Variants in KDM4C observed in about 807,000 individuals in gnomAD.
The protein encoded by KDM4C is lysine-specific demethylase 4C.
Under a neutral mutation model 129.3 loss-of-function variants are expected in KDM4C, and 81 were observed. The observed-to-expected ratio is 0.63, with a 90% CI of 0.52 to 0.75. The LOEUF (loss-of-function observed/expected upper bound fraction) is 0.75. Ranked by LOEUF, KDM4C falls within the 30% of genes least tolerant of loss-of-function variation. The pLI, the probability that KDM4C is intolerant of heterozygous loss-of-function variation, is 0.00. For missense variants in KDM4C, 1,457 were observed against 1,304.0 expected (o/e 1.12, Z -1.81); for synonymous variants, 573 against 456.1 (o/e 1.26, Z -3.26).
chr9:7,070,848 A>T (rs1349095178), intron 17 of KDM4C, among the ~76,000 whole-genome samples: 1 of 152,188 alleles, frequency 6.6e-6, no homozygotes, highest in Non-Finnish European at 1.5e-5. Flanking sequence ...CTGAGTGCAG[A>T]TCCTAGCTGG....
chr9:7,086,655 C>T (rs946177009), intron 17 of KDM4C, among the ~76,000 whole-genome samples: 1 of 152,176 alleles, frequency 6.6e-6, no homozygotes, highest in Non-Finnish European at 1.5e-5. Flanking sequence ...CTTTGATTTT[C>T]TCCTCAGATA....
chr9:7,048,195 T>G (rs1452264856), intron 16 of KDM4C, among the ~76,000 whole-genome samples: 1 of 152,064 alleles, frequency 6.6e-6, no homozygotes, highest in South Asian at 2.1e-4. Flanking sequence ...AGACGTTCTC[T>G]TCCTATGCTT....
intron 4 of KDM4C, among the ~76,000 whole-genome samples, chr9:6,820,714 CTTT>C (rs35264767): frequency 0.47 from 58,909 of 125,730 alleles, 13,113 homozygotes; most frequent in East Asian, 0.59. Flanking sequence ...CTCTCTCTCT[CTTT>C]TTTTTTTTTT....
intron 15 of KDM4C, among the ~76,000 whole-genome samples, chr9:7,024,630 A>G (rs1174999060): frequency 6.6e-6 from 1 of 152,136 alleles, no homozygotes; most frequent in Non-Finnish European, 1.5e-5. Flanking sequence ...GATGGTTTCC[A>G]GCTTCATCCA....
intron 16 of KDM4C, among the ~76,000 whole-genome samples, chr9:7,047,224 G>A (rs1211255251): frequency 1.3e-5 from 2 of 152,028 alleles, no homozygotes; most frequent in Admixed American, 6.6e-5. Flanking sequence ...TAGAATCCTG[G>A]TGTTTAATAT....
intron 8 of KDM4C, among the ~76,000 whole-genome samples, chr9:6,976,986 T>C (rs964503329): frequency 2.0e-5 from 3 of 152,136 alleles, no homozygotes; most frequent in East Asian, 3.9e-4. Context: ...TTTGGGCTTA[T>C]TTGTTTTGAG....
chr9:6,801,641 GTCTCTCTC>G (rs752049998), intron 2 of KDM4C, among the ~76,000 whole-genome samples: 7 of 133,160 alleles, frequency 5.3e-5, no homozygotes, highest in Non-Finnish European at 9.8e-5. Context: ...CTCTCTCTCT[GTCTCTCTC>G]TCTCTCTCTC....
intron 1 of KDM4C, among the ~76,000 whole-genome samples, chr9:6,737,854 G>A (rs1255911934): frequency 2.6e-5 from 4 of 151,476 alleles, no homozygotes; most frequent in Admixed American, 6.6e-5. Context: ...GACAGATGCT[G>A]GGCTGGGCAA....
intron 18 of KDM4C, among the ~76,000 whole-genome samples, chr9:7,114,748 A>G (rs559020285): frequency 6.6e-6 from 1 of 152,262 alleles, no homozygotes; most frequent in African/African-American, 2.4e-5. Context: ...CACAGAGTGC[A>G]CCGTGGAACC....
intron 17 of KDM4C, among the ~76,000 whole-genome samples, chr9:7,052,868 A>AGG (rs1830346009): frequency 4.5e-5 from 1 of 22,452 alleles, no homozygotes; most frequent in Non-Finnish European, 8.5e-5. Flanking sequence ...ACCTGCAGAG[A>AGG]GAGAGAGAGA....
intron 18 of KDM4C, among the ~76,000 whole-genome samples, chr9:7,105,131 A>G (rs1837532696): frequency 6.6e-6 from 1 of 152,254 alleles, no homozygotes; most frequent in Non-Finnish European, 1.5e-5. Flanking sequence ...ACATTTTAGC[A>G]ACTTTTAAAA....
chr9:7,001,730 ATC>A (rs1820752813), intron 12 of KDM4C, among the ~76,000 whole-genome samples: 1 of 145,560 alleles, frequency 6.9e-6, no homozygotes. Flanking sequence ...CAAAGCTGAC[ATC>A]TTTTTTTTTT....
chr9:6,840,960 C>G (rs1283652048), intron 4 of KDM4C, among the ~76,000 whole-genome samples: 1 of 152,180 alleles, frequency 6.6e-6, no homozygotes, highest in South Asian at 2.1e-4. Flanking sequence ...AGACCAAGAG[C>G]ACATCTAAAT....
intron 17 of KDM4C, among the ~76,000 whole-genome samples, chr9:7,053,973 T>C (rs543885730): frequency 6.6e-6 from 1 of 152,374 alleles, no homozygotes; most frequent in South Asian, 2.1e-4. Flanking sequence ...TTCTGATATT[T>C]AATGCAGGTT....
chr9:6,960,552 C>T (rs1225289223), intron 8 of KDM4C, among the ~76,000 whole-genome samples: 4 of 152,002 alleles, frequency 2.6e-5, no homozygotes, highest in Non-Finnish European at 4.4e-5. Flanking sequence ...AGTCACTGTG[C>T]GTGGCCTATA....
chr9:6,918,500 T>C (rs537038982), intron 8 of KDM4C, among the ~76,000 whole-genome samples: 1 of 152,334 alleles, frequency 6.6e-6, no homozygotes, highest in African/African-American at 2.4e-5. Flanking sequence ...TGTGTCTTTT[T>C]GGTAGAATCA....
At chr9:7,020,714 T>A (rs1586963679) in intron 15 of KDM4C, among the ~76,000 whole-genome samples, 1 of 152,298 alleles carries the variant, frequency 6.6e-6, no homozygotes, top group Non-Finnish European at 1.5e-5. Context: ...TATTTATGGG[T>A]TACATGAGAT....
chr9:6,957,485 A>AATT (rs1401911873), intron 8 of KDM4C, among the ~76,000 whole-genome samples: 15 of 152,078 alleles, frequency 9.9e-5, no homozygotes, highest in Non-Finnish European at 2.1e-4. Context: ...GCTTGTTAAT[A>AATT]CCACCATGAT....
At chr9:6,939,959 A>AACCTACCT (rs1554654089) in intron 8 of KDM4C, among the ~76,000 whole-genome samples, 42 of 112,520 alleles carry the variant, frequency 3.7e-4, no homozygotes, top group East Asian at 1.0e-3. Flanking sequence ...TCCAATAACC[A>AACCTACCT]ACCTACCTAC....
Sources: allele counts gnomAD v4.1 joint callset (sites outside exome capture counted in the v4.1 genomes callset), GRCh38; gene constraint gnomAD v4.1.1; transcripts MANE v1.5; gene names NCBI Gene and HGNC (gene_info 2026-07-23, HGNC 2026-07-21).